The following CDK7 variants were observed in gnomAD, a reference collection of about 807,000 sequenced individuals.
The protein encoded by CDK7 is cyclin-dependent kinase 7.
CDK7 carries 25 observed loss-of-function variants against 49.1 expected under a neutral mutation model. The ratio of observed to expected loss-of-function variants is 0.51; its 90% CI spans 0.37 to 0.71. The LOEUF (loss-of-function observed/expected upper bound fraction) is 0.71, where lower values mean the gene tolerates loss of function less well. CDK7 is among the 30% of genes least tolerant of loss of function. The pLI is 0.00. For synonymous variants in CDK7, 107 were observed against 140.0 expected, an observed-to-expected ratio of 0.76 and a Z score of 1.67; for missense variants, 316 against 411.7, an observed-to-expected ratio of 0.77 and a Z score of 2.01.
chr5:69,253,259 A>C (rs1314097733), intron 3 of CDK7, among the ~76,000 whole-genome samples: 1 of 152,042 alleles, frequency 6.6e-6, no homozygotes, highest in East Asian at 1.9e-4. Flanking sequence ...ACTATATCTT[A>C]TTTTTATTTT....
At chr5:69,234,882 C>T (rs1372164247), upstream of CDK7, 44 of 1,240,496 alleles carry the variant, frequency 3.5e-5, no homozygotes, top group East Asian at 1.3e-4. Context: ...GCCCGGTGGA[C>T]GGAAGTGGGT....
intron 8 of CDK7, among the ~76,000 whole-genome samples, chr5:69,264,999 C>A (rs1441964861): frequency 1.3e-5 from 2 of 150,912 alleles, no homozygotes; most frequent in Non-Finnish European, 2.9e-5. Flanking sequence ...CACGGTGGCT[C>A]ACGCCTGCAA....
chr5:69,245,432 C>T (rs1329436217), intron 2 of CDK7, among the ~76,000 whole-genome samples: 1 of 151,730 alleles, frequency 6.6e-6, no homozygotes, highest in Admixed American at 6.6e-5. Context: ...ACCTCCACCT[C>T]CTGGGTTCAA....
intron 7 of CDK7, among the ~76,000 whole-genome samples, chr5:69,260,404 AC>A (rs990837311): frequency 3.3e-5 from 5 of 152,208 alleles, no homozygotes. Flanking sequence ...TGTTAGGTAT[AC>A]TTTACCACGA....
chr5:69,267,591 C>T (rs1449967320), intron 8 of CDK7, among the ~76,000 whole-genome samples: 1 of 152,136 alleles, frequency 6.6e-6, no homozygotes, highest in Non-Finnish European at 1.5e-5. Context: ...GCCACCACAC[C>T]TGGCCATCTA....
intron 2 of CDK7, among the ~76,000 whole-genome samples, chr5:69,244,110 G>A (rs1749572856): frequency 6.6e-6 from 1 of 152,128 alleles, no homozygotes; most frequent in East Asian, 1.9e-4. Context: ...GGGATTACAG[G>A]CGTGAGCCAC....
intron 2 of CDK7, chr5:69,250,957 G>A (rs993625212): frequency 6.7e-6 from 3 of 449,492 alleles, no homozygotes; most frequent in East Asian, 7.0e-5. Context: ...AAGTAGAATC[G>A]CCTGTTCTGT....
chr5:69,267,478 T>G (rs1751241491), intron 8 of CDK7, among the ~76,000 whole-genome samples: 1 of 151,800 alleles, frequency 6.6e-6, no homozygotes, highest in African/African-American at 2.4e-5. Context: ...TTTGTATTTT[T>G]TAGTAAAAAT....
chr5:69,236,720 C>T (rs976742111), intron 2 of CDK7, among the ~76,000 whole-genome samples: 2 of 151,506 alleles, frequency 1.3e-5, no homozygotes, highest in Non-Finnish European at 2.9e-5. Context: ...TGTGCGATTT[C>T]GGCTCACTGG....
rs534257578 is a variant in CDK7, at chr5:69,252,328, G to A, written c.127-90G>A. The A allele has an allele frequency of 3.4e-5, 27 of 787,380 alleles. 1 individual carries two copies. Among genetic ancestry groups the A allele is most frequent in the South Asian group, 3.3e-4 (21 of 63,732 alleles). The allele number at this position is 787,380 out of a possible 1,614,324, so 48.8% of individuals were successfully genotyped here. On this transcript the variant is annotated intron_variant, in intron 2 of 11. Coordinates refer to ENST00000256443, the MANE Select transcript of CDK7 (RefSeq NM_001799.4). ...TGCTAATTGTTTTTTTTTCTGTGGC[G>A]AAGTATTTGAAGTATTTACACATTA...
At chr5:69,267,458 C>T (rs144791450) in intron 8 of CDK7, among the ~76,000 whole-genome samples, 3 of 151,856 alleles carry the variant, frequency 2.0e-5, no homozygotes, top group African/African-American at 7.2e-5. Context: ...ACCATGACAC[C>T]CGCCTAGTTT....
intron 2 of CDK7, among the ~76,000 whole-genome samples, chr5:69,235,822 T>G (rs1260150188): frequency 6.6e-6 from 1 of 152,246 alleles, no homozygotes; most frequent in Non-Finnish European, 1.5e-5. Flanking sequence ...TGTGTACGGA[T>G]TTACCATGAA....
intron 10 of CDK7, among the ~76,000 whole-genome samples, 172 bp downstream of exon 10, chr5:69,273,213 G>A (rs1028355774): frequency 6.6e-6 from 1 of 151,780 alleles, no homozygotes; most frequent in African/African-American, 2.4e-5. Flanking sequence ...ACACTATTAA[G>A]ACTGAGATTA....
chr5:69,275,553 T>G (rs1168929571), intron 10 of CDK7, among the ~76,000 whole-genome samples: 1 of 152,194 alleles, frequency 6.6e-6, no homozygotes, highest in African/African-American at 2.4e-5. Context: ...TCTGAAATGC[T>G]CCAAAATCCA....
At chr5:69,270,285 T>A (rs569834570) in intron 9 of CDK7, among the ~76,000 whole-genome samples, 7 of 151,850 alleles carry the variant, frequency 4.6e-5, no homozygotes, top group African/African-American at 1.7e-4. Flanking sequence ...AAAACAAAAA[T>A]TAAAAAAATT....
At chr5:69,262,165 A>T in intron 7 of CDK7, 40 bp from the exon 8 acceptor site, 1 of 1,612,246 alleles carries the variant, frequency 6.2e-7, no homozygotes, top group Non-Finnish European at 8.5e-7. Context: ...TGCTTTGATA[A>T]TTTCATGCTA....
chr5:69,246,086 A>AT (rs1749734939), intron 2 of CDK7, among the ~76,000 whole-genome samples: 1 of 152,090 alleles, frequency 6.6e-6, no homozygotes, highest in Admixed American at 6.6e-5. Context: ...GGCACCTCTT[A>AT]TGGTGGCAGG....
chr5:69,255,526 G>A lies in CDK7; in HGVS notation c.295G>A (p.Glu99Lys). 6.4e-7 allele frequency: 1 copy of A among 1,567,930 alleles called. No individual in the cohort carries two copies. Among genetic ancestry groups the A allele is most frequent in the Non-Finnish European group, 8.8e-7 (1 of 1,139,364 alleles). The change falls in exon 5 of 12, where the codon GAG (glutamate) becomes AAG (lysine). Residue 99 changes from glutamate to lysine, a missense_variant and splice_region_variant. Coordinates refer to ENST00000256443, the MANE Select transcript of CDK7 (RefSeq NM_001799.4). Reference sequence around the variant, plus strand: ...CTTTGATTTTATGGAAACTGATCTAGAGGTAAGATTAAGATTCCTGGAGAA... The same window carrying A: ...CTTTGATTTTATGGAAACTGATCTAAAGGTAAGATTAAGATTCCTGGAGAA... ...LVFDFMETDL[E>K]VIIKDNSLVL... is the part of the protein sequence containing the mutation.
intron 5 of CDK7, chr5:69,256,019 C>T (rs1443854251): frequency 1.9e-5 from 3 of 158,920 alleles, no homozygotes; most frequent in Non-Finnish European, 2.8e-5. Context: ...GGGGTGTCAC[C>T]ATGTTGGCCA....
Sources: allele counts gnomAD v4.1 joint callset (sites outside exome capture counted in the v4.1 genomes callset), GRCh38; gene constraint gnomAD v4.1.1; transcripts MANE v1.5; gene names NCBI Gene and HGNC (gene_info 2026-07-23, HGNC 2026-07-21).